NCAM2: variants seen among roughly 807,000 people sequenced by gnomAD.
NCAM2 encodes the protein N-CAM-2.
In NCAM2, 30 loss-of-function variants were observed where a neutral mutation model predicts 98.1. That is an observed-to-expected ratio of 0.31 (90% CI 0.23 to 0.41). NCAM2 has a LOEUF of 0.41. Ranked by LOEUF, NCAM2 falls within the 10% of genes least tolerant of loss-of-function variation. NCAM2 has a pLI of 1.00. For missense variants in NCAM2, 867 were observed against 1,005.8 expected (o/e 0.86, Z 1.87); for synonymous variants, 368 against 342.4 (o/e 1.07, Z -0.83).
chr21:21,370,941 T>C (rs990260184), intron 8 of NCAM2, among the ~76,000 whole-genome samples: 2 of 151,892 alleles, frequency 1.3e-5, no homozygotes, highest in Admixed American at 1.3e-4. Context: ...TTTTTTATTT[T>C]ATTATCAAAG....
chr21:21,264,389 C>T (rs941354807), intron 1 of NCAM2, among the ~76,000 whole-genome samples: 1 of 151,928 alleles, frequency 6.6e-6, no homozygotes, highest in Non-Finnish European at 1.5e-5. Flanking sequence ...ACTTATACAT[C>T]ATCAATGGGA....
chr21:21,484,347 C>T (rs1025689413), intron 15 of NCAM2, among the ~76,000 whole-genome samples: 3 of 151,770 alleles, frequency 2.0e-5, no homozygotes, highest in South Asian at 2.1e-4. Flanking sequence ...TTTTTCTTTC[C>T]TACTGTCACG....
chr21:21,275,764 A>T (rs2072706171), intron 1 of NCAM2, among the ~76,000 whole-genome samples: 2 of 152,120 alleles, frequency 1.3e-5, no homozygotes, highest in African/African-American at 4.8e-5. Context: ...AGGTAAACTT[A>T]TATATTTATC....
chr21:21,537,962 A>T lies in NCAM2; in HGVS notation c.*5A>T, dbSNP rs1602586990. 1 of 1,474,324 alleles carries T rather than the reference A, an allele frequency of 6.8e-7. No homozygotes were observed. Among genetic ancestry groups the T allele is most frequent in the South Asian group, 1.3e-5 (1 of 79,886 alleles). 91.3% of individuals were successfully genotyped at this position (1,474,324 alleles called of 1,614,324 possible). On this transcript the variant is annotated 3_prime_UTR_variant, in exon 18 of 18. Transcript: ENST00000400546. ...GAAGACGACAGCAAAGCATAACAAC[A>T]ATATTACAGGGGCTTGAACAACACT...
At chr21:21,016,474 T>G (rs1371695093) in intron 1 of NCAM2, among the ~76,000 whole-genome samples, 1 of 152,154 alleles carries the variant, frequency 6.6e-6, no homozygotes, top group African/African-American at 2.4e-5. Flanking sequence ...TTAAAGAGTT[T>G]AGATGACTTG....
At chr21:21,474,734 C>T (rs935682645) in intron 14 of NCAM2, among the ~76,000 whole-genome samples, 1 of 152,032 alleles carries the variant, frequency 6.6e-6, no homozygotes, top group African/African-American at 2.4e-5. Context: ...TGTCTTCATA[C>T]CACCCTTCAG....
At chr21:21,150,180 G>A (rs961074641) in intron 1 of NCAM2, among the ~76,000 whole-genome samples, 50 of 151,904 alleles carry the variant, frequency 3.3e-4, no homozygotes, top group African/African-American at 1.2e-3. Flanking sequence ...TTTTCTTTGT[G>A]GATATAGAAA....
intron 5 of NCAM2, among the ~76,000 whole-genome samples, chr21:21,295,446 G>A (rs1309606472): frequency 1.3e-5 from 2 of 151,650 alleles, no homozygotes; most frequent in African/African-American, 4.8e-5. Context: ...ATACACCAAT[G>A]CCTTTGATAT....
At chr21:21,117,522 A>G (rs142864085) in intron 1 of NCAM2, among the ~76,000 whole-genome samples, 84 of 152,336 alleles carry the variant, frequency 5.5e-4, no homozygotes, top group African/African-American at 1.8e-3. Context: ...GAATATATTT[A>G]TGTTTCATAT....
rs760742308 is a variant in NCAM2, at chr21:21,143,607, TG to T, written c.56-136970del. ...GAATTTACCCTGATGCACAATATGA[TG>T]AATTCACCCAATTTTATCTTTTTAA... On this transcript the variant is annotated intron_variant, in intron 1 of 17. Coordinates refer to ENST00000400546, the MANE Select transcript of NCAM2 (RefSeq NM_004540.5). Among the ~76,000 whole-genome samples, 263 of 152,288 alleles carry T rather than the reference TG, an allele frequency of 1.7e-3. 1 individual carries two copies. In the Middle Eastern group the frequency reaches 0.024, roughly 14 times the overall value.
At chr21:21,181,356 T>G (rs578076308) in intron 1 of NCAM2, among the ~76,000 whole-genome samples, 1 of 152,240 alleles carries the variant, frequency 6.6e-6, no homozygotes, top group Admixed American at 6.6e-5. Flanking sequence ...ATAAATAATC[T>G]CAGCATTTTA....
intron 1 of NCAM2, among the ~76,000 whole-genome samples, chr21:21,168,555 G>A (rs2068022861): frequency 6.6e-6 from 1 of 152,088 alleles, no homozygotes; most frequent in African/African-American, 2.4e-5. Context: ...CAAAGAATCA[G>A]CAACAGAAAC....
chr21:21,325,250 A>C (rs528294445), intron 6 of NCAM2, among the ~76,000 whole-genome samples: 22 of 152,318 alleles, frequency 1.4e-4, no homozygotes, highest in Non-Finnish European at 3.1e-4. Context: ...CCATATAGTG[A>C]AAAATTATTT....
chr21:21,432,270 A>G lies in NCAM2; in HGVS notation c.1643A>G (p.His548Arg), dbSNP rs760268583. 3.3e-5 allele frequency: 54 copies of G among 1,613,560 alleles called. 2 individuals are homozygous for G. The Admixed American group carries it at 5.3e-4, about 16-fold the overall frequency. Residue 548 changes from histidine to arginine, a missense_variant, in exon 12 of 18, where the codon CAT (histidine) becomes CGT (arginine). His to Arg is a conservative substitution (Grantham distance 29). Coordinates refer to ENST00000400546, the MANE Select transcript of NCAM2 (RefSeq NM_004540.5). ...ASEIWKIVRS[H>R]GVQTMVVLNN... Reference sequence around the variant, plus strand: ...GAAATCTGGAAAATTGTACGCTCCCATGGAGTTCAAAGTGAGTCAACAATT... The same window carrying G: ...GAAATCTGGAAAATTGTACGCTCCCGTGGAGTTCAAAGTGAGTCAACAATT...
At chr21:21,025,420 G>A (rs887610139) in intron 1 of NCAM2, among the ~76,000 whole-genome samples, 4 of 152,038 alleles carry the variant, frequency 2.6e-5, no homozygotes, top group African/African-American at 7.3e-5. Flanking sequence ...CAGGACTGGC[G>A]GTTTCTGTGT....
chr21:21,264,988 GTGTATGTGT>G lies in NCAM2; in HGVS notation c.56-15589_56-15581del. Among the ~76,000 whole-genome samples, 2 of 81,730 alleles carry G rather than the reference GTGTATGTGT, an allele frequency of 2.4e-5. 1 individual carries two copies. The highest frequency in any genetic ancestry group is 4.8e-5 in the Non-Finnish European group (2 of 41,858). The allele number at this position is 81,730 out of a possible 152,430, so 53.6% of individuals were successfully genotyped here. A position where few individuals can be genotyped will look rare whatever the true frequency, so the allele number is the denominator to read the frequency against. On this transcript the variant is annotated intron_variant, in intron 1 of 17. Transcript: ENST00000400546. ...ATATATACACATATATATTATATATGTGTATGTGTATATATACACATATATATTATATAT... is the reference window on the plus strand; with the variant it reads ...ATATATACACATATATATTATATATGATATATACACATATATATTATATAT...
At chr21:21,150,804 T>C (rs1284182346) in intron 1 of NCAM2, among the ~76,000 whole-genome samples, 1 of 151,910 alleles carries the variant, frequency 6.6e-6, no homozygotes, top group African/African-American at 2.4e-5. Flanking sequence ...AAGATAATGA[T>C]ATTTTTATAA....
chr21:21,207,253 A>T (rs2069472456), intron 1 of NCAM2, among the ~76,000 whole-genome samples: 1 of 152,142 alleles, frequency 6.6e-6, no homozygotes, highest in Non-Finnish European at 1.5e-5. Flanking sequence ...AGCGTTCTCG[A>T]GCTTTAATTT....
At chr21:21,026,773 AT>A (rs1391297327) in intron 1 of NCAM2, among the ~76,000 whole-genome samples, 5 of 151,772 alleles carry the variant, frequency 3.3e-5, no homozygotes, top group African/African-American at 1.2e-4. Flanking sequence ...TGTGGAGAAA[AT>A]ATCTATATTT....
Sources: allele counts gnomAD v4.1 joint callset (sites outside exome capture counted in the v4.1 genomes callset), GRCh38; gene constraint gnomAD v4.1.1; transcripts MANE v1.5; gene names NCBI Gene and HGNC (gene_info 2026-07-23, HGNC 2026-07-21).